Variants in FMNL3 observed in about 807,000 individuals in gnomAD.
FMNL3 encodes the protein formin like 3.
In FMNL3, 57 loss-of-function variants were observed where a neutral mutation model predicts 119.6. The observed-to-expected ratio is 0.48, with a 90% confidence interval of 0.39 to 0.59. The LOEUF (loss-of-function observed/expected upper bound fraction) is 0.59. Ranked by LOEUF, FMNL3 falls within the 20% of genes least tolerant of loss-of-function variation. The pLI, the probability that FMNL3 is intolerant of heterozygous loss-of-function variation, is 0.00. For synonymous variants in FMNL3, 491 were observed against 507.3 expected (o/e 0.97, Z 0.43); for missense variants, 1,053 against 1,323.5 (o/e 0.80, Z 3.17).
At position 49,641,592 on chromosome 12, in the gene FMNL3, G is replaced by T; in HGVS notation, c.*4223C>A. 2.9e-6 allele frequency: 1 copy of T among 346,998 alleles called. No individual in the cohort carries two copies. Among genetic ancestry groups the T allele is most frequent in the Non-Finnish European group, 5.3e-6 (1 of 187,426 alleles). 21.5% of individuals were successfully genotyped at this position (346,998 alleles called of 1,614,324 possible). A position where few individuals can be genotyped will look rare whatever the true frequency, so the allele number is the denominator to read the frequency against. On this transcript the variant is annotated 3_prime_UTR_variant, in exon 26 of 26. Transcript: ENST00000335154. ...TGCATGGAAGCACTGCTGAGCAGCAGGAGGGCCCAGCTGGGGCCAGAGCTT... is the reference window on the plus strand; with the variant it reads ...TGCATGGAAGCACTGCTGAGCAGCATGAGGGCCCAGCTGGGGCCAGAGCTT...
intron 1 of FMNL3, among the ~76,000 whole-genome samples, chr12:49,686,356 C>T (rs369643837): frequency 1.3e-5 from 2 of 151,736 alleles, no homozygotes; most frequent in East Asian, 2.0e-4. Context: ...CCGACGCAGG[C>T]GGATCACGAG....
chr12:49,646,040 G>A, intron 25 of FMNL3, 137 bp from the exon 26 acceptor site: 6 of 680,420 alleles, frequency 8.8e-6, no homozygotes, highest in Non-Finnish European at 1.5e-5. Flanking sequence ...TAAGGCTTGA[G>A]GGGTACCCAG....
chr12:49,669,295 C>T (rs983260732), intron 1 of FMNL3, among the ~76,000 whole-genome samples: 1 of 152,178 alleles, frequency 6.6e-6, no homozygotes, highest in Non-Finnish European at 1.5e-5. Flanking sequence ...ACCCTAACCC[C>T]TTGGCAAGCC....
chr12:49,643,854 C>G lies in FMNL3; in HGVS notation c.*1961G>C. 6.2e-7 allele frequency: 1 copy of G among 1,614,156 alleles called. No individual in the cohort carries two copies. Among genetic ancestry groups the G allele is most frequent in the Non-Finnish European group, 8.5e-7 (1 of 1,180,004 alleles). On this transcript the variant is annotated 3_prime_UTR_variant, in exon 26 of 26. Coordinates refer to ENST00000335154, the MANE Select transcript of FMNL3 (RefSeq NM_175736.5). ...GAACTGAGGAGGTGGGCTCTGGACT[C>G]TTACAGAATAGTCCTGAGAGTGAGA...
chr12:49,647,857 T>C lies in FMNL3; in HGVS notation c.2677-53A>G. 7.1e-7 allele frequency: 1 copy of C among 1,400,530 alleles called. No individual in the cohort carries two copies. 86.8% of individuals were successfully genotyped at this position (1,400,530 alleles called of 1,614,324 possible). A position where few individuals can be genotyped will look rare whatever the true frequency, so the allele number is the denominator to read the frequency against. On this transcript the variant is annotated intron_variant, in intron 22 of 25. Coordinates refer to ENST00000335154, the MANE Select transcript of FMNL3 (RefSeq NM_175736.5). This position sits in a 1 kb window ranked among gnomAD's most constrained non-coding sequence, Gnocchi z 4.9. ...ACCCTGGCAGGAAGATCAGCCCAGCTCCCACACCACGGATGAGAGGCCTGC... is the reference window on the plus strand; with the variant it reads ...ACCCTGGCAGGAAGATCAGCCCAGCCCCCACACCACGGATGAGAGGCCTGC...
Position 49,650,663 on chromosome 12 carries a change from G to C in FMNL3, c.2000+13C>G. 6.2e-7 allele frequency: 1 copy of C among 1,612,382 alleles called. No individual in the cohort carries two copies. Among genetic ancestry groups the C allele is most frequent in the Non-Finnish European group, 8.5e-7 (1 of 1,179,848 alleles). ...CAGACTAGGGACCAGAGCCAGGTCAGTGGGAGCCTCACGTATGAATGGCCC... is the reference window on the plus strand; with the variant it reads ...CAGACTAGGGACCAGAGCCAGGTCACTGGGAGCCTCACGTATGAATGGCCC... On this transcript the variant is annotated intron_variant, in intron 17 of 25. Coordinates refer to ENST00000335154, the MANE Select transcript of FMNL3 (RefSeq NM_175736.5).
chr12:49,660,754 TC>T (rs1355562606), intron 5 of FMNL3, among the ~76,000 whole-genome samples: 1 of 152,224 alleles, frequency 6.6e-6, no homozygotes, highest in East Asian at 1.9e-4. Flanking sequence ...GCCCAGGAGT[TC>T]GAGGCCAGCC....
chr12:49,653,186 C>T, intron 13 of FMNL3, 40 bp downstream of exon 13: 3 of 1,581,904 alleles, frequency 1.9e-6, no homozygotes, highest in Non-Finnish European at 2.6e-6. Flanking sequence ...CGCTGGAGCC[C>T]AGGATCAGTC....
chr12:49,645,463 G>T lies in FMNL3; in HGVS notation c.*352C>A, dbSNP rs150953266. 477 of 218,448 alleles carry T rather than the reference G, an allele frequency of 2.2e-3. 3 individuals are homozygous for T. Among genetic ancestry groups the T allele is most frequent in the African/African-American group, 9.5e-3 (414 of 43,416 alleles). 13.5% of individuals were successfully genotyped at this position (218,448 alleles called of 1,614,324 possible). On this transcript the variant is annotated 3_prime_UTR_variant, in exon 26 of 26. Transcript: ENST00000335154. ...CTGCAAAAAGGAAGGGAAAAAAAAAGAAAGAACAGTTGCTCTCTCCTCTCA... is the reference window on the plus strand; with the variant it reads ...CTGCAAAAAGGAAGGGAAAAAAAAATAAAGAACAGTTGCTCTCTCCTCTCA...
At chr12:49,669,762 G>A (rs1437580400) in intron 1 of FMNL3, among the ~76,000 whole-genome samples, 1 of 152,158 alleles carries the variant, frequency 6.6e-6, no homozygotes, top group Non-Finnish European at 1.5e-5. Flanking sequence ...AACCTGGGAG[G>A]TGGAGGTTGC....
At chr12:49,680,009 A>C (rs1944295835) in intron 1 of FMNL3, among the ~76,000 whole-genome samples, 1 of 152,140 alleles carries the variant, frequency 6.6e-6, no homozygotes, top group Non-Finnish European at 1.5e-5. Flanking sequence ...ATTGTTATTC[A>C]TTTTTCACAT....
At chr12:49,692,034 C>CAAAA (rs773991970) in intron 1 of FMNL3, among the ~76,000 whole-genome samples, 3 of 23,130 alleles carry the variant, frequency 1.3e-4, no homozygotes, top group African/African-American at 3.3e-4. Flanking sequence ...GACTCCATCT[C>CAAAA]AAAAAAAAAA....
rs1942613173 is a variant in FMNL3 at position 49,641,306 on chromosome 12, C to T, written c.*4509G>A. ...TGGGTGTGGTGCTTGAAAGCAGACA[C>T]TTTGGGGATAGAGAGCCCCCCCAGG... On this transcript the variant is annotated 3_prime_UTR_variant, in exon 26 of 26. Coordinates refer to ENST00000335154, the MANE Select transcript of FMNL3 (RefSeq NM_175736.5). 6.6e-6 allele frequency: 1 copy of T among 152,216 alleles called. No individual in the cohort carries two copies. The highest frequency in any genetic ancestry group is 1.5e-5 in the Non-Finnish European group (1 of 68,158). The allele number at this position is 152,216 out of a possible 1,614,324, so 9.4% of individuals were successfully genotyped here. A position where few individuals can be genotyped will look rare whatever the true frequency, so the allele number is the denominator to read the frequency against.
chr12:49,684,545 G>A (rs926259283), intron 1 of FMNL3, among the ~76,000 whole-genome samples: 3 of 152,214 alleles, frequency 2.0e-5, no homozygotes, highest in African/African-American at 7.2e-5. Context: ...TAGCTTCTGA[G>A]ATGATGCTCA....
At chr12:49,698,440 T>C in intron 1 of FMNL3, among the ~76,000 whole-genome samples, 1 of 151,838 alleles carries the variant, frequency 6.6e-6, no homozygotes, top group South Asian at 2.1e-4. Flanking sequence ...AGAACACCTT[T>C]CAAGGACCTA....
chr12:49,653,370 T>C lies in FMNL3; in HGVS notation c.1222-43A>G, dbSNP rs1276915461. ...CAGGTTCTGTGCTGGCCCTAAAGCC[T>C]GGGCACTCAGCACAGCCTGAACCCT... On this transcript the variant is annotated intron_variant, in intron 12 of 25. Coordinates refer to ENST00000335154, the MANE Select transcript of FMNL3 (RefSeq NM_175736.5). 2.5e-6 allele frequency: 4 copies of C among 1,598,722 alleles called. No individual in the cohort carries two copies. The South Asian group carries it at 3.3e-5, about 13-fold the overall frequency.
Position 49,641,601 on chromosome 12 carries a change from A to G in FMNL3, c.*4214T>C. On this transcript the variant is annotated 3_prime_UTR_variant, in exon 26 of 26. Coordinates refer to ENST00000335154, the MANE Select transcript of FMNL3 (RefSeq NM_175736.5). ...GCACTGCTGAGCAGCAGGAGGGCCC[A>G]GCTGGGGCCAGAGCTTTAAGCCAAA... The G allele has an allele frequency of 2.8e-6, 1 of 357,424 alleles. No individual in the cohort carries two copies. The highest frequency in any genetic ancestry group is 5.2e-6 in the Non-Finnish European group (1 of 193,862). The allele number at this position is 357,424 out of a possible 1,614,324, so 22.1% of individuals were successfully genotyped here. A position where few individuals can be genotyped will look rare whatever the true frequency, so the allele number is the denominator to read the frequency against.
rs1941927832 is a variant in FMNL3, at chr12:49,637,085, G to A, written c.*8730C>T. On this transcript the variant is annotated 3_prime_UTR_variant, in exon 26 of 26. Transcript: ENST00000335154. ...ACCACCCAGAAACTGCCAGTAGAGA[G>A]CACCCTACAGGCATGACTTGGCAGC... 1 of 635,664 alleles carries A rather than the reference G, an allele frequency of 1.6e-6. No homozygotes were observed. The highest frequency in any genetic ancestry group is 3.0e-5 in the Admixed American group (1 of 33,856). The allele number at this position is 635,664 out of a possible 1,614,324, so 39.4% of individuals were successfully genotyped here. A position where few individuals can be genotyped will look rare whatever the true frequency, so the allele number is the denominator to read the frequency against.
At position 49,649,801 on chromosome 12, in the gene FMNL3, C is replaced by A. The variant is rs1943336788; in HGVS notation, c.2125G>T (p.Ala709Ser). The A allele has an allele frequency of 6.2e-7, 1 of 1,614,100 alleles. No individual in the cohort carries two copies. The highest frequency in any genetic ancestry group is 8.5e-7 in the Non-Finnish European group (1 of 1,180,056). Residue 709 changes from alanine (A) to serine (S), a missense_variant, in exon 18 of 26, where the codon GCT becomes TCT. This residue lies in a region of FMNL3 where 20 missense variants were observed against 48.7 expected (regional missense o/e 0.41). Transcript: ENST00000335154. This position sits in a 1 kb window ranked among gnomAD's most constrained non-coding sequence, Gnocchi z 5.6. ...RERQPLEELA[A>S]EDRFMLLFSK... ...AAGAGCAGCATGAAGCGGTCCTCAG[C>A]TGCCAACTCCTCCAGGGGCTGCCGC...
Sources: allele counts gnomAD v4.1 joint callset (sites outside exome capture counted in the v4.1 genomes callset), GRCh38; gene constraint gnomAD v4.1.1; regional missense constraint gnomAD v4.1.1; non-coding constraint Gnocchi (gnomAD v3.1); transcripts MANE v1.5; gene names NCBI Gene and HGNC (gene_info 2026-07-23, HGNC 2026-07-21).